Variants in PXDNL observed in about 807,000 individuals in gnomAD.
PXDNL encodes the protein peroxidasin like.
In PXDNL, 145 loss-of-function variants were observed where a neutral mutation model predicts 150.8. That is an observed-to-expected ratio of 0.96 (90% confidence interval 0.84 to 1.10). PXDNL has a LOEUF of 1.10. PXDNL is among the 50% of genes least tolerant of loss of function. The pLI is 0.00. For synonymous variants in PXDNL, 757 were observed against 725.7 expected (o/e 1.04, Z -0.69); for missense variants, 2,087 against 1,873.9 (o/e 1.11, Z -2.10).
At chr8:51,392,023 A>C (rs1365380797) in intron 17 of PXDNL, among the ~76,000 whole-genome samples, 6 of 152,166 alleles carry the variant, frequency 3.9e-5, no homozygotes, top group African/African-American at 1.4e-4. Flanking sequence ...TGTTTTTCTC[A>C]GGCTTGTCAA....
chr8:51,745,861 G>A (rs529394621), intron 1 of PXDNL, among the ~76,000 whole-genome samples: 3 of 151,250 alleles, frequency 2.0e-5, no homozygotes, highest in East Asian at 1.9e-4. Context: ...CCTCTGCCTC[G>A]CAGGTTCAGG....
intron 1 of PXDNL, among the ~76,000 whole-genome samples, chr8:51,720,621 TC>T (rs1169400148): frequency 6.6e-6 from 1 of 152,258 alleles, no homozygotes; most frequent in Non-Finnish European, 1.5e-5. Context: ...AGATGAAGTC[TC>T]ACTTGAATAA....
At chr8:51,544,415 C>T (rs761169990) in intron 4 of PXDNL, among the ~76,000 whole-genome samples, 1 of 152,180 alleles carries the variant, frequency 6.6e-6, no homozygotes, top group African/African-American at 2.4e-5. Flanking sequence ...TCTGCACTGA[C>T]ACAATCAATA....
chr8:51,796,879 A>T (rs1317013232), intron 1 of PXDNL, among the ~76,000 whole-genome samples: 1 of 152,216 alleles, frequency 6.6e-6, no homozygotes, highest in East Asian at 1.9e-4. Context: ...AAAAAAAGAG[A>T]ACTTCAGGCC....
At chr8:51,697,949 A>G (rs1816180397) in intron 1 of PXDNL, among the ~76,000 whole-genome samples, 1 of 152,224 alleles carries the variant, frequency 6.6e-6, no homozygotes, top group African/African-American at 2.4e-5. Flanking sequence ...AGACTATACT[A>G]TGGTCTTTTA....
chr8:51,730,590 C>T (rs1019416808), intron 1 of PXDNL, among the ~76,000 whole-genome samples: 23 of 152,052 alleles, frequency 1.5e-4, no homozygotes, highest in Admixed American at 2.0e-4. Context: ...AATTCTCTAA[C>T]GGAAGAAGGC....
At chr8:51,565,309 AATAAATAAATAAATAGATAG>A (rs1250843160) in intron 3 of PXDNL, among the ~76,000 whole-genome samples, 2,314 of 135,776 alleles carry the variant, frequency 0.017, 61 homozygotes, top group African/African-American at 0.071. Context: ...TAAATAAATA[AATAAATAAATAAATAGATAG>A]ATAGATAGAT....
chr8:51,355,636 T>C (rs1806484037), intron 19 of PXDNL, among the ~76,000 whole-genome samples: 1 of 152,232 alleles, frequency 6.6e-6, no homozygotes, highest in Non-Finnish European at 1.5e-5. Flanking sequence ...TTGAAGAGAA[T>C]GCTTTCTGCT....
At chr8:51,703,293 C>CA (rs11344160) in intron 1 of PXDNL, among the ~76,000 whole-genome samples, 19 of 148,678 alleles carry the variant, frequency 1.3e-4, no homozygotes, top group South Asian at 8.5e-4. Context: ...CTTTTCATAC[C>CA]AAAAAAAAAA....
intron 5 of PXDNL, among the ~76,000 whole-genome samples, chr8:51,488,672 G>A (rs979582126): frequency 6.6e-6 from 1 of 152,116 alleles, no homozygotes; most frequent in African/African-American, 2.4e-5. Flanking sequence ...TTACACCAAA[G>A]GGAAAATTTT....
chr8:51,732,437 T>A (rs919134303), intron 1 of PXDNL, among the ~76,000 whole-genome samples: 1 of 152,212 alleles, frequency 6.6e-6, no homozygotes, highest in Admixed American at 6.5e-5. Context: ...AACAAGTCTC[T>A]AGGAAGTTCC....
chr8:51,636,863 G>C (rs10102654), intron 2 of PXDNL, among the ~76,000 whole-genome samples: 59,045 of 151,316 alleles, frequency 0.39, 14,256 homozygotes, highest in African/African-American at 0.69. Flanking sequence ...CCAGCATGGA[G>C]TGTGAGATCT....
intron 3 of PXDNL, among the ~76,000 whole-genome samples, chr8:51,569,639 C>T (rs1812890363): frequency 1.3e-5 from 2 of 151,966 alleles, no homozygotes; most frequent in South Asian, 4.2e-4. Context: ...TTTGGCACTA[C>T]TGAATTATGA....
intron 1 of PXDNL, among the ~76,000 whole-genome samples, chr8:51,744,055 AAGGAAGGAAGGAAGGAAGGAAG>A (rs2036939510): frequency 6.8e-4 from 40 of 59,124 alleles, no homozygotes; most frequent in South Asian, 1.5e-3. Flanking sequence ...GGAAGGAAGG[AAGGAAGGAAGGAAGGAAGGAAG>A]GAAGGAAGGA....
chr8:51,406,466 C>T (rs1345505413), intron 17 of PXDNL, among the ~76,000 whole-genome samples: 3 of 152,156 alleles, frequency 2.0e-5, no homozygotes, highest in African/African-American at 4.8e-5. Context: ...CACTCTCTTG[C>T]TTTAGAGTTA....
intron 1 of PXDNL, among the ~76,000 whole-genome samples, chr8:51,789,757 C>A (rs1482123998): frequency 1.3e-5 from 2 of 152,048 alleles, no homozygotes; most frequent in Non-Finnish European, 2.9e-5. Flanking sequence ...AAGATAAAAT[C>A]CACCCAAGGA....
At chr8:51,455,680 C>G (rs190309665) in intron 9 of PXDNL, among the ~76,000 whole-genome samples, 18 of 152,214 alleles carry the variant, frequency 1.2e-4, no homozygotes, top group Non-Finnish European at 2.1e-4. Flanking sequence ...TAGAAATGCT[C>G]CTGTGTGCAG....
At chr8:51,670,933 T>C (rs997703531) in intron 1 of PXDNL, among the ~76,000 whole-genome samples, 2 of 152,218 alleles carry the variant, frequency 1.3e-5, no homozygotes, top group African/African-American at 4.8e-5. Context: ...TTCATTGCCA[T>C]GCATAAAGAA....
chr8:51,744,928 AAAAGAAAGAAAGAAAGAAAGAAAG>A (rs1193132745), intron 1 of PXDNL, among the ~76,000 whole-genome samples: 6 of 88,332 alleles, frequency 6.8e-5, no homozygotes, highest in Admixed American at 2.8e-4. Flanking sequence ...GAAAGAAAGA[AAAAGAAAGAAAGAAAGAAAGAAAG>A]AAAGAAAGAA....
Sources: allele counts gnomAD v4.1 joint callset (sites outside exome capture counted in the v4.1 genomes callset), GRCh38; gene constraint gnomAD v4.1.1; transcripts MANE v1.5; gene names NCBI Gene and HGNC (gene_info 2026-07-23, HGNC 2026-07-21).